The following CMSS1 variants were observed in gnomAD, a reference collection of about 807,000 sequenced individuals.
The protein encoded by CMSS1 is cms1 ribosomal small subunit homolog.
A neutral mutation model predicts 43.5 loss-of-function variants in CMSS1; 33 were observed. The observed-to-expected ratio is 0.76, with a 90% CI of 0.57 to 1.01. The LOEUF (loss-of-function observed/expected upper bound fraction) is 1.01. Among genes scored for constraint, CMSS1 ranks in the 50% least tolerant of loss-of-function variants. The pLI is 0.00. For missense variants in CMSS1, 313 were observed against 326.4 expected, an observed-to-expected ratio of 0.96 and a Z score of 0.32; for synonymous variants, 115 against 117.2, an observed-to-expected ratio of 0.98 and a Z score of 0.12.
chr3:100,121,959 A>G (rs187206039), intron 1 of CMSS1, among the ~76,000 whole-genome samples: 1 of 152,296 alleles, frequency 6.6e-6, no homozygotes, highest in Admixed American at 6.5e-5. Context: ...CTGCGGCACA[A>G]TTCCAGGTGT....
chr3:99,935,811 A>G (rs1326045570), intron 1 of CMSS1, among the ~76,000 whole-genome samples: 1 of 152,140 alleles, frequency 6.6e-6, no homozygotes. Flanking sequence ...AGTCAGTTTT[A>G]CTTGGGCTTA....
At chr3:100,110,595 G>A (rs1433289258) in intron 1 of CMSS1, among the ~76,000 whole-genome samples, 4 of 152,142 alleles carry the variant, frequency 2.6e-5, no homozygotes, top group African/African-American at 9.7e-5. Context: ...AAGAAATAAA[G>A]TCGTGTATTT....
intron 1 of CMSS1, among the ~76,000 whole-genome samples, chr3:100,067,392 G>GTA (rs2065684979): frequency 6.6e-6 from 1 of 152,188 alleles, no homozygotes. Flanking sequence ...GGTGAAGGTT[G>GTA]TATATATAAG....
intron 1 of CMSS1, among the ~76,000 whole-genome samples, chr3:100,073,365 T>C (rs2065793179): frequency 6.6e-6 from 1 of 152,194 alleles, no homozygotes; most frequent in South Asian, 2.1e-4. Flanking sequence ...AAAAAAAGTT[T>C]GCTGGCCCAG....
chr3:99,998,472 A>G (rs756287872), intron 1 of CMSS1, among the ~76,000 whole-genome samples: 12 of 152,196 alleles, frequency 7.9e-5, no homozygotes, highest in South Asian at 2.1e-4. Flanking sequence ...TTAGATTTTT[A>G]CCAAGCACAA....
At chr3:100,020,240 A>G (rs2064783009) in intron 1 of CMSS1, among the ~76,000 whole-genome samples, 2 of 152,214 alleles carry the variant, frequency 1.3e-5, no homozygotes, top group African/African-American at 2.4e-5. Context: ...AATTCTTTGC[A>G]ATTTACTTCA....
chr3:100,070,505 A>G (rs1178258413), intron 1 of CMSS1, among the ~76,000 whole-genome samples: 1 of 152,278 alleles, frequency 6.6e-6, no homozygotes. Flanking sequence ...TTTAAGGTAT[A>G]AAACTTACAG....
chr3:99,981,198 G>A (rs1284123275), intron 1 of CMSS1, among the ~76,000 whole-genome samples: 1 of 152,120 alleles, frequency 6.6e-6, no homozygotes, highest in East Asian at 1.9e-4. Flanking sequence ...CCTGACTTTT[G>A]TTATTTTATA....
chr3:99,904,028 G>C (rs551128731), intron 1 of CMSS1, among the ~76,000 whole-genome samples: 11 of 152,286 alleles, frequency 7.2e-5, no homozygotes, highest in African/African-American at 2.6e-4. Context: ...TATGCATCTT[G>C]TTTTTCTAAG....
chr3:100,124,600 C>T (rs950077678), intron 1 of CMSS1, among the ~76,000 whole-genome samples: 2 of 152,096 alleles, frequency 1.3e-5, no homozygotes, highest in Non-Finnish European at 2.9e-5. Flanking sequence ...GTCCTGGTTC[C>T]CTCCCTGTCC....
chr3:100,017,547 C>T (rs1287796430), intron 1 of CMSS1, among the ~76,000 whole-genome samples: 1 of 152,186 alleles, frequency 6.6e-6, no homozygotes, highest in Non-Finnish European at 1.5e-5. Context: ...TGTATATGTA[C>T]TTTGTGCTGT....
intron 2 of CMSS1, among the ~76,000 whole-genome samples, chr3:100,149,889 A>G (rs929443613): frequency 6.6e-6 from 1 of 152,094 alleles, no homozygotes; most frequent in Admixed American, 6.5e-5. Context: ...CCTCCCTGAC[A>G]CAGCTGCCTG....
chr3:99,975,988 G>A (rs1295009464), intron 1 of CMSS1, among the ~76,000 whole-genome samples: 5 of 152,126 alleles, frequency 3.3e-5, no homozygotes, highest in East Asian at 3.9e-4. Context: ...GGGTTCAAGC[G>A]ATTCTCCTGC....
chr3:99,914,463 A>G (rs911117435), intron 1 of CMSS1, among the ~76,000 whole-genome samples: 8 of 152,190 alleles, frequency 5.3e-5, no homozygotes, highest in African/African-American at 1.7e-4. Context: ...ACACATCTCT[A>G]AACAAAGCCC....
At chr3:100,043,981 C>T (rs2065243379) in intron 1 of CMSS1, among the ~76,000 whole-genome samples, 1 of 152,160 alleles carries the variant, frequency 6.6e-6, no homozygotes, top group Non-Finnish European at 1.5e-5. Context: ...GCATGATGTC[C>T]TCCAGTTCCA....
intron 1 of CMSS1, among the ~76,000 whole-genome samples, chr3:100,012,221 T>A (rs1710177375): frequency 6.6e-6 from 1 of 152,178 alleles, no homozygotes; most frequent in Non-Finnish European, 1.5e-5. Context: ...TCTAAAATTA[T>A]TTGTTTTATA....
At chr3:100,128,865 C>T (rs928729501) in intron 1 of CMSS1, among the ~76,000 whole-genome samples, 3 of 152,238 alleles carry the variant, frequency 2.0e-5, no homozygotes, top group African/African-American at 7.2e-5. Flanking sequence ...GTAGCGTCTA[C>T]TGTATGAATA....
intron 1 of CMSS1, among the ~76,000 whole-genome samples, chr3:100,092,801 A>G (rs1204180919): frequency 6.6e-6 from 1 of 151,646 alleles, no homozygotes; most frequent in Non-Finnish European, 1.5e-5. Context: ...TTAAGTGACT[A>G]AGGATCAGAA....
chr3:99,871,126 T>G (rs1944765676), intron 1 of CMSS1, among the ~76,000 whole-genome samples: 1 of 152,338 alleles, frequency 6.6e-6, no homozygotes, highest in East Asian at 1.9e-4. Flanking sequence ...TTTCACTGCC[T>G]TGACTTAAGC....
Sources: gnomAD v4.1 joint callset for allele counts (sites outside exome capture counted in the v4.1 genomes callset) on GRCh38, gnomAD v4.1.1 for gene constraint, MANE v1.5 for transcripts, NCBI Gene and HGNC (gene_info 2026-07-23, HGNC 2026-07-21) for gene names.